Variants in DIPK2B observed in about 807,000 individuals in gnomAD.
The protein encoded by DIPK2B is UPF0672 protein CXorf36.
Under a neutral mutation model 22.2 loss-of-function variants are expected in DIPK2B, and 15 were observed. The observed-to-expected ratio is 0.68, with a 90% CI of 0.45 to 1.04. The LOEUF (loss-of-function observed/expected upper bound fraction) is 1.04, where lower values mean the gene tolerates loss of function less well. Among genes scored for constraint, DIPK2B ranks in the 50% least tolerant of loss-of-function variants. The probability of loss-of-function intolerance (pLI) is 0.00; values close to 1 mark genes in which losing one functional copy is unlikely to be tolerated. For synonymous variants in DIPK2B, 163 were observed against 153.2 expected (o/e 1.06, Z -0.47); for missense variants, 345 against 348.3 (o/e 0.99, Z 0.08).
chrX:45,180,291 G>A (rs1229671383), intron 2 of DIPK2B, among the ~76,000 whole-genome samples: 3 of 111,928 alleles, frequency 2.7e-5, no homozygotes, highest in Non-Finnish European at 1.9e-5. Context: ...TCCAGAAAAG[G>A]CTCACCCAGC....
intron 2 of DIPK2B, chrX:45,162,536 C>A: frequency 1.3e-6 from 1 of 754,098 alleles, no homozygotes; most frequent in Non-Finnish European, 1.6e-6. Flanking sequence ...TGTGCAAACC[C>A]ACAATTATAT....
Position 45,151,456 on chromosome X carries a change from C to T in DIPK2B, c.*196G>A, listed in dbSNP as rs1347880285. 2 of 449,328 alleles carry T rather than the reference C, an allele frequency of 4.5e-6. No individual in the cohort carries two copies. Among genetic ancestry groups the T allele is most frequent in the Non-Finnish European group, 7.6e-6 (2 of 262,725 alleles). 37.0% of individuals were successfully genotyped at this position (449,328 alleles called of 1,213,427 possible). A position where few individuals can be genotyped will look rare whatever the true frequency, so the allele number is the denominator to read the frequency against. ...CACCCAGGTCTTCTGATGCCCACCG[C>T]GGGCTTTGCCAGGACGTCCCAGCCA... On this transcript the variant is annotated 3_prime_UTR_variant, in exon 5 of 5. Coordinates refer to ENST00000398000, the MANE Select transcript of DIPK2B (RefSeq NM_176819.4).
intron 1 of DIPK2B, among the ~76,000 whole-genome samples, chrX:45,192,980 T>C (rs889904471): frequency 1.8e-5 from 2 of 112,173 alleles, no homozygotes; most frequent in East Asian, 2.8e-4. Flanking sequence ...CGTTTTACCA[T>C]GTTGGCCAGG....
chrX:45,166,602 T>C (rs1259169438), intron 2 of DIPK2B, among the ~76,000 whole-genome samples: 5 of 111,944 alleles, frequency 4.5e-5, no homozygotes, highest in Non-Finnish European at 9.4e-5. Context: ...CTCAAGCCCA[T>C]CTTCCATCTT....
intron 2 of DIPK2B, among the ~76,000 whole-genome samples, chrX:45,188,024 C>CT (rs1012649462): frequency 3.6e-5 from 4 of 111,645 alleles, no homozygotes; most frequent in Non-Finnish European, 5.6e-5. Flanking sequence ...GACAGGTAGG[C>CT]TGAGCCGACA....
At chrX:45,192,353 A>G (rs767315774) in intron 1 of DIPK2B, among the ~76,000 whole-genome samples, 3 of 111,233 alleles carry the variant, frequency 2.7e-5, no homozygotes, top group African/African-American at 9.8e-5. Flanking sequence ...CTAATCCCCA[A>G]TTTCCACTTT....
Position 45,200,550 on chromosome X carries a change from G to A in DIPK2B, c.233+44C>T. The A allele has an allele frequency of 3.6e-6, 4 of 1,119,341 alleles. No individual in the cohort carries two copies. The South Asian group carries it at 5.7e-5, about 16-fold the overall frequency. 92.2% of individuals were successfully genotyped at this position (1,119,341 alleles called of 1,213,427 possible). On this transcript the variant is annotated intron_variant, in intron 1 of 4. Transcript: ENST00000398000. The stretch of plus-strand genomic sequence containing the variant: ...ATTCCTGGACATCTTCACAAGAAGG[G>A]AACAGAATTTTGTGATTCAGAGTTA...
intron 2 of DIPK2B, among the ~76,000 whole-genome samples, chrX:45,171,908 T>C (rs910187464): frequency 3.6e-5 from 4 of 112,418 alleles, no homozygotes; most frequent in African/African-American, 1.3e-4. Context: ...TAAGCAAATC[T>C]TGTCCACACA....
Position 45,151,485 on chromosome X carries a change from G to T in DIPK2B, c.*167C>A. The T allele has an allele frequency of 1.9e-6, 1 of 525,131 alleles. No homozygotes were observed. The highest frequency in any genetic ancestry group is 3.0e-6 in the Non-Finnish European group (1 of 329,024). 43.3% of individuals were successfully genotyped at this position (525,131 alleles called of 1,213,427 possible). A position where few individuals can be genotyped will look rare whatever the true frequency, so the allele number is the denominator to read the frequency against. On this transcript the variant is annotated 3_prime_UTR_variant, in exon 5 of 5. Transcript: ENST00000398000. Reference sequence around the variant, plus strand: ...CTTTGCCAGGACGTCCCAGCCAGCAGAGACAGCCACGTGGTATCTCACAAC... The same window carrying T: ...CTTTGCCAGGACGTCCCAGCCAGCATAGACAGCCACGTGGTATCTCACAAC...
At chrX:45,175,640 TATAC>T (rs1202885878) in intron 2 of DIPK2B, among the ~76,000 whole-genome samples, 1 of 102,581 alleles carries the variant, frequency 9.7e-6, no homozygotes, top group African/African-American at 3.5e-5. Flanking sequence ...TGTGTGTATA[TATAC>T]ACATATATAC....
Position 45,151,204 on chromosome X carries a change from C to T in DIPK2B, c.*448G>A. ...GCCTGTCCTTCCCCTGCCTTCCCTC[C>T]ACTCCAGCCTCCTGACCTGAGCAGC... is the stretch of plus-strand genomic sequence containing the variant. On this transcript the variant is annotated 3_prime_UTR_variant, in exon 5 of 5. Transcript: ENST00000398000. 1 of 120,410 alleles carries T rather than the reference C, an allele frequency of 8.3e-6. No homozygotes were observed. Among genetic ancestry groups the T allele is most frequent in the Non-Finnish European group, 1.7e-5 (1 of 58,145 alleles). The allele number at this position is 120,410 out of a possible 1,213,427, so 9.9% of individuals were successfully genotyped here.
rs1355003544 is a variant in DIPK2B at position 45,149,374 on chromosome X, T to C, written c.*2278A>G. The C allele has an allele frequency of 8.9e-6, 1 of 112,108 alleles. No homozygotes were observed. Among genetic ancestry groups the C allele is most frequent in the African/African-American group, 3.3e-5 (1 of 30,735 alleles). The allele number at this position is 112,108 out of a possible 1,213,427, so 9.2% of individuals were successfully genotyped here. A position where few individuals can be genotyped will look rare whatever the true frequency, so the allele number is the denominator to read the frequency against. The stretch of plus-strand genomic sequence containing the variant: ...CTGTGCAGGTGAGAAGGGTGGTCAG[T>C]CTTCACCCTCAAGACCAACTCAGAA... On this transcript the variant is annotated 3_prime_UTR_variant, in exon 5 of 5. Transcript: ENST00000398000.
chrX:45,170,832 C>T (rs1353668769), intron 2 of DIPK2B, among the ~76,000 whole-genome samples: 3 of 112,444 alleles, frequency 2.7e-5, no homozygotes, highest in African/African-American at 9.7e-5. Flanking sequence ...AACATTATTG[C>T]ATGCTTGCCT....
At chrX:45,164,473 G>T (rs967300372) in intron 2 of DIPK2B, among the ~76,000 whole-genome samples, 2 of 111,054 alleles carry the variant, frequency 1.8e-5, no homozygotes, top group Non-Finnish European at 3.8e-5. Context: ...GGATGAAGCT[G>T]GAAACCATAA....
At position 45,149,732 on chromosome X, in the gene DIPK2B, G is replaced by C. The variant is rs2046950775; in HGVS notation, c.*1920C>G. 8.9e-6 allele frequency: 1 copy of C among 112,183 alleles called. No individual in the cohort carries two copies. Among genetic ancestry groups the C allele is most frequent in the African/African-American group, 3.3e-5 (1 of 30,711 alleles). The allele number at this position is 112,183 out of a possible 1,213,427, so 9.2% of individuals were successfully genotyped here. ...TTGCTGAACCTTTCTTCGATTTTGA[G>C]CTTAGCAAGCTCCTACTGGACCTTC... On this transcript the variant is annotated 3_prime_UTR_variant, in exon 5 of 5. Coordinates refer to ENST00000398000, the MANE Select transcript of DIPK2B (RefSeq NM_176819.4).
intron 1 of DIPK2B, among the ~76,000 whole-genome samples, chrX:45,194,468 T>A (rs1414850072): frequency 9.0e-6 from 1 of 110,951 alleles, no homozygotes; most frequent in East Asian, 2.8e-4. Context: ...CAGGCTGGAC[T>A]CAAACTCCTG....
chrX:45,193,140 C>G (rs957694952), intron 1 of DIPK2B, among the ~76,000 whole-genome samples: 18 of 112,161 alleles, frequency 1.6e-4, no homozygotes, highest in Non-Finnish European at 2.8e-4. Flanking sequence ...TCTCCATAGT[C>G]ATTTATCCAG....
At chrX:45,179,203 C>T (rs1478597181) in intron 2 of DIPK2B, among the ~76,000 whole-genome samples, 2 of 111,150 alleles carry the variant, frequency 1.8e-5, no homozygotes, top group Non-Finnish European at 1.9e-5. Context: ...AAGAATGATC[C>T]AGCTCAAAAT....
At position 45,179,972 on chromosome X, in the gene DIPK2B, C is replaced by A. The variant is rs887963950; in HGVS notation, c.498+11779G>T. 4.5e-5 allele frequency among the ~76,000 whole-genome samples: 5 copies of A among 111,397 alleles called. No homozygotes were observed. In the East Asian group the frequency reaches 1.4e-3, roughly 31 times the overall value. ...TATTAAAAAACTTATAGCTAACATT[C>A]CTGTGATACCTGTGAATTTAATCAC... is the stretch of plus-strand genomic sequence containing the variant. On this transcript the variant is annotated intron_variant, in intron 2 of 4. Coordinates refer to ENST00000398000, the MANE Select transcript of DIPK2B (RefSeq NM_176819.4).
Sources: gnomAD v4.1 joint callset for allele counts (sites outside exome capture counted in the v4.1 genomes callset) on GRCh38, gnomAD v4.1.1 for gene constraint, MANE v1.5 for transcripts, NCBI Gene and HGNC (gene_info 2026-07-23, HGNC 2026-07-21) for gene names.